SERF2: variants seen among roughly 807,000 people sequenced by gnomAD.
SERF2 encodes the protein gastric cancer-related protein VRG107.
A neutral mutation model predicts 10.7 loss-of-function variants in SERF2; 4 were observed. The ratio of observed to expected loss-of-function variants is 0.37; its 90% CI spans 0.18 to 0.86. The LOEUF is 0.86. SERF2 is among the 40% of genes least tolerant of loss of function. The pLI is 0.43. For missense variants in SERF2, 47 were observed against 79.1 expected (o/e 0.59, Z 1.54); for synonymous variants, 26 against 26.0 (o/e 1.00, Z 0.01).
chr15:43,795,128 C>A lies in SERF2; in HGVS notation c.*1355C>A, dbSNP rs757496538. The A allele has an allele frequency of 1.2e-6, 2 of 1,614,020 alleles. No individual in the cohort carries two copies. The highest frequency in any genetic ancestry group is 1.7e-6 in the Non-Finnish European group (2 of 1,180,014). On this transcript the variant is annotated 3_prime_UTR_variant, in exon 3 of 3. Coordinates refer to ENST00000249786, the MANE Select transcript of SERF2 (RefSeq NM_001018108.4). ...AGTAACAGCCCCAGATAGAGGAGTA[C>A]GCAGGCCCAGCATGAGGCAACCTTG... is the stretch of plus-strand genomic sequence containing the variant.
At chr15:43,781,976 C>T in intron 1 of SERF2, among the ~76,000 whole-genome samples, 1 of 151,686 alleles carries the variant, frequency 6.6e-6, no homozygotes, top group Non-Finnish European at 1.5e-5. Context: ...GCAACCTCTG[C>T]CTCCCGGGTT....
chr15:43,795,435 G>C lies in SERF2; in HGVS notation c.*1662G>C, dbSNP rs1265239891. The C allele has an allele frequency of 2.5e-6, 4 of 1,614,202 alleles. No homozygotes were observed. The South Asian group carries it at 4.4e-5, about 18-fold the overall frequency. ...CCATGACATAGAGTGAGGCAAGGAA[G>C]AAGACGAAGTGGAAGGCAGAATAGT... On this transcript the variant is annotated 3_prime_UTR_variant, in exon 3 of 3. Transcript: ENST00000249786.
Position 43,795,800 on chromosome 15 carries a change from C to T in SERF2, c.*2027C>T. On this transcript the variant is annotated 3_prime_UTR_variant, in exon 3 of 3. Transcript: ENST00000249786. ...GATGTGAGGGTGTTAATCTAGGAAA[C>T]TTCCCCCGTGAAAAGATTGGTCTAG... 1 of 1,544,528 alleles carries T rather than the reference C, an allele frequency of 6.5e-7. No homozygotes were observed. Among genetic ancestry groups the T allele is most frequent in the Non-Finnish European group, 8.8e-7 (1 of 1,131,272 alleles).
At chr15:43,793,586 C>A (rs1303168235) in intron 2 of SERF2, 124 bp from the exon 3 acceptor site, 1 of 1,573,640 alleles carries the variant, frequency 6.4e-7, no homozygotes, top group Non-Finnish European at 8.6e-7. Context: ...GGTGGGAGTA[C>A]AGCAGCCAAA....
At chr15:43,792,211 C>T (rs2087074653), upstream of SERF2, 4 of 672,400 alleles carry the variant, frequency 5.9e-6, no homozygotes, top group South Asian at 3.3e-5. Context: ...CAAGCACGAC[C>T]CGTGGATCCA....
chr15:43,778,099 G>C (rs1432128014), intron 1 of SERF2: 1 of 151,662 alleles, frequency 6.6e-6, no homozygotes, highest in Non-Finnish European at 1.5e-5. Context: ...GAGTAACTGG[G>C]ACTACGGGCA....
rs371670339 is a variant in SERF2, at chr15:43,792,403, C to T, written c.7+20C>T. The T allele has an allele frequency of 1.9e-6, 3 of 1,613,958 alleles. No homozygotes were observed. The highest frequency in any genetic ancestry group is 2.5e-6 in the Non-Finnish European group (3 of 1,179,840). ...TGACCCGTGAGCACCGAGCCCCCTT[C>T]TCCTTGCCCTTTTCTTTCCGTTCAC... On this transcript the variant is annotated intron_variant, in intron 1 of 2. Transcript: ENST00000249786.
exon 1 of SERF2, chr15:43,777,431 G>A: frequency 4.5e-6 from 1 of 223,600 alleles, no homozygotes; most frequent in South Asian, 4.8e-5. Flanking sequence ...ACACGAAGGG[G>A]CACCCGAGAC....
chr15:43,781,170 G>A (rs2086960915), intron 1 of SERF2, among the ~76,000 whole-genome samples: 1 of 152,126 alleles, frequency 6.6e-6, no homozygotes, highest in South Asian at 2.1e-4. Context: ...TGGATACACT[G>A]GACAAAGGAA....
chr15:43,778,885 G>A (rs1181958043), intron 1 of SERF2, among the ~76,000 whole-genome samples: 1 of 152,194 alleles, frequency 6.6e-6, no homozygotes, highest in Non-Finnish European at 1.5e-5. Context: ...TTAGGCTGGA[G>A]TGAGACTCCA....
In SERF2 at chr15:43,794,940, C is replaced by A. The variant is rs948780561; in HGVS notation, c.*1167C>A. The stretch of plus-strand genomic sequence containing the variant: ...TGAGGTATTGAGCTGGGCTGGACAG[C>A]TCCCCTTGAGCCAACTCTAGGAGTA... On this transcript the variant is annotated 3_prime_UTR_variant, in exon 3 of 3. Transcript: ENST00000249786. 2 of 1,373,786 alleles carry A rather than the reference C, an allele frequency of 1.5e-6. No homozygotes were observed. Among genetic ancestry groups the A allele is most frequent in the Non-Finnish European group, 2.0e-6 (2 of 992,662 alleles). The allele number at this position is 1,373,786 out of a possible 1,614,324, so 85.1% of individuals were successfully genotyped here.
In SERF2 at chr15:43,796,002, GTATC is replaced by G. The variant is rs759225469; in HGVS notation, c.*2232_*2235del. 2.4e-5 allele frequency: 16 copies of G among 677,300 alleles called. No homozygotes were observed. The highest frequency in any genetic ancestry group is 1.0e-4 in the East Asian group (4 of 39,110). 42.0% of individuals were successfully genotyped at this position (677,300 alleles called of 1,614,324 possible). A position where few individuals can be genotyped will look rare whatever the true frequency, so the allele number is the denominator to read the frequency against. ...TTAAATTAAATGAGATTATGTAAAAGTATCTAGCACAGTTGCCTAGCACATTGTG... is the reference window on the plus strand; with the variant it reads ...TTAAATTAAATGAGATTATGTAAAAGTAGCACAGTTGCCTAGCACATTGTG... On this transcript the variant is annotated 3_prime_UTR_variant, in exon 3 of 3. Coordinates refer to ENST00000249786, the MANE Select transcript of SERF2 (RefSeq NM_001018108.4).
intron 2 of SERF2, among the ~76,000 whole-genome samples, chr15:43,786,422 A>G (rs1483035035): frequency 6.6e-6 from 1 of 151,752 alleles, no homozygotes; most frequent in Non-Finnish European, 1.5e-5. Flanking sequence ...CTCAAAAAAA[A>G]AAAAAAAAAA....
At position 43,794,277 on chromosome 15, in the gene SERF2, G is replaced by C. The variant is rs568898114; in HGVS notation, c.*504G>C. The C allele has an allele frequency of 1.3e-5, 4 of 310,618 alleles. No individual in the cohort carries two copies. The highest frequency in any genetic ancestry group is 6.4e-5 in the African/African-American group (3 of 46,592). The allele number at this position is 310,618 out of a possible 1,614,324, so 19.2% of individuals were successfully genotyped here. On this transcript the variant is annotated 3_prime_UTR_variant, in exon 3 of 3. Transcript: ENST00000249786. ...TAGAGACTTCTTTTCTGTGATTTTT[G>C]TTCCCCACCCTTGAACACCATCTCT...
rs961060479 is a variant in SERF2 at position 43,795,304 on chromosome 15, T to C, written c.*1531T>C. ...CTCACCAAATATAATGGCAGACCCA[T>C]GTGTGTCTGGAATGGCCTTGAATTG... On this transcript the variant is annotated 3_prime_UTR_variant, in exon 3 of 3. Transcript: ENST00000249786. 6 of 1,577,276 alleles carry C rather than the reference T, an allele frequency of 3.8e-6. No homozygotes were observed. The African/African-American group carries it at 4.0e-5, about 11-fold the overall frequency.
upstream of SERF2, among the ~76,000 whole-genome samples, chr15:43,790,347 T>TA (rs2087044630): frequency 6.6e-6 from 1 of 151,820 alleles, no homozygotes; most frequent in Admixed American, 6.6e-5. Context: ...GACAGACATA[T>TA]AAATACATAT....
At chr15:43,784,884 C>T (rs1229108158) in intron 1 of SERF2, among the ~76,000 whole-genome samples, 4 of 150,000 alleles carry the variant, frequency 2.7e-5, no homozygotes, top group East Asian at 2.0e-4. Flanking sequence ...TCCCAAGTAG[C>T]TGGGACTATA....
chr15:43,781,850 G>C (rs2086967399), intron 1 of SERF2, among the ~76,000 whole-genome samples: 1 of 150,364 alleles, frequency 6.7e-6, no homozygotes, highest in Non-Finnish European at 1.5e-5. Context: ...TCCAAGTGCT[G>C]GGATTACAGG....
chr15:43,795,368 T>TA lies in SERF2; in HGVS notation c.*1597dup. ...ATAGCTAGCTCTTCAGGAGAGTATC[T>TA]AAGGCCCACTCCATCTTACCTGAAC... On this transcript the variant is annotated 3_prime_UTR_variant, in exon 3 of 3. Coordinates refer to ENST00000249786, the MANE Select transcript of SERF2 (RefSeq NM_001018108.4). 6.2e-7 allele frequency: 1 copy of TA among 1,613,886 alleles called. No individual in the cohort carries two copies. Among genetic ancestry groups the TA allele is most frequent in the African/African-American group, 1.3e-5 (1 of 75,038 alleles).
Sources: allele counts gnomAD v4.1 joint callset (sites outside exome capture counted in the v4.1 genomes callset), GRCh38; gene constraint gnomAD v4.1.1; transcripts MANE v1.5; gene names NCBI Gene and HGNC (gene_info 2026-07-23, HGNC 2026-07-21).